KCNK2: variants seen among roughly 807,000 people sequenced by gnomAD.
KCNK2 encodes potassium two pore domain channel subfamily K member 2, also known as potassium channel subfamily K member 2.
In KCNK2, 21 loss-of-function variants were observed where a neutral mutation model predicts 40.5. That is an observed-to-expected ratio of 0.52 (90% CI 0.37 to 0.75). KCNK2 has a LOEUF of 0.75. Ranked by LOEUF, KCNK2 falls within the 30% of genes least tolerant of loss-of-function variation. KCNK2 has a pLI of 0.00. For synonymous variants in KCNK2, 191 were observed against 202.2 expected (o/e 0.94, Z 0.47); for missense variants, 399 against 531.6 (o/e 0.75, Z 2.45).
intron 2 of KCNK2, among the ~76,000 whole-genome samples, chr1:215,123,280 T>C (rs1184381767): frequency 6.6e-6 from 1 of 151,994 alleles, no homozygotes; most frequent in Non-Finnish European, 1.5e-5. Context: ...AGAATACAAA[T>C]ATGTAAAAGA....
At chr1:215,108,079 T>C (rs1660516457) in intron 2 of KCNK2, among the ~76,000 whole-genome samples, 1 of 152,072 alleles carries the variant, frequency 6.6e-6, no homozygotes, top group Admixed American at 6.6e-5. Context: ...CAGCCTATTA[T>C]AGATCCCTCG....
intron 2 of KCNK2, among the ~76,000 whole-genome samples, chr1:215,120,943 T>A (rs1173124697): frequency 2.0e-5 from 3 of 152,212 alleles, no homozygotes; most frequent in African/African-American, 7.2e-5. Context: ...ATATTTTATT[T>A]AATTAAATGC....
intron 3 of KCNK2, among the ~76,000 whole-genome samples, chr1:215,125,037 TA>T (rs1661353397): frequency 6.6e-6 from 1 of 152,218 alleles, no homozygotes; most frequent in Non-Finnish European, 1.5e-5. Flanking sequence ...TTAAAATGAT[TA>T]TTTCTTTAGG....
intron 6 of KCNK2, among the ~76,000 whole-genome samples, chr1:215,221,706 T>G (rs1424873746): frequency 6.6e-6 from 1 of 152,136 alleles, no homozygotes; most frequent in East Asian, 1.9e-4. Context: ...AAAATCCACA[T>G]ATAAGTAGAC....
chr1:215,170,400 A>G (rs925725707), intron 4 of KCNK2, among the ~76,000 whole-genome samples: 1 of 152,184 alleles, frequency 6.6e-6, no homozygotes, highest in South Asian at 2.1e-4. Flanking sequence ...TCTTGGAAGA[A>G]AATTATGGAA....
At chr1:215,115,218 A>G (rs1036159459) in intron 2 of KCNK2, among the ~76,000 whole-genome samples, 3 of 152,146 alleles carry the variant, frequency 2.0e-5, no homozygotes, top group Non-Finnish European at 4.4e-5. Context: ...GATTACCTTT[A>G]TATAGGTACA....
At chr1:215,014,693 T>C (rs1327081332) in intron 1 of KCNK2, among the ~76,000 whole-genome samples, 1 of 152,116 alleles carries the variant, frequency 6.6e-6, no homozygotes, top group African/African-American at 2.4e-5. Context: ...GGAAGACTGC[T>C]CATTCTCACC....
chr1:215,031,438 T>C (rs1657185376), intron 1 of KCNK2, among the ~76,000 whole-genome samples: 1 of 152,196 alleles, frequency 6.6e-6, no homozygotes, highest in Admixed American at 6.5e-5. Context: ...TCTCATACCA[T>C]TTTTTAGGCT....
intron 2 of KCNK2, among the ~76,000 whole-genome samples, chr1:215,100,114 G>C (rs1291728919): frequency 6.6e-6 from 1 of 151,920 alleles, no homozygotes; most frequent in Non-Finnish European, 1.5e-5. Context: ...GCATTTTGGG[G>C]TTAACTTAGA....
intron 2 of KCNK2, among the ~76,000 whole-genome samples, 163 bp from the exon 3 acceptor site, chr1:215,124,470 C>A (rs1480083762): frequency 6.6e-6 from 1 of 152,032 alleles, no homozygotes; most frequent in African/African-American, 2.4e-5. Context: ...TTATTAAATT[C>A]TCCAGTATAA....
chr1:215,076,702 A>G (rs2102519352), intron 1 of KCNK2, among the ~76,000 whole-genome samples: 1 of 152,344 alleles, frequency 6.6e-6, no homozygotes, highest in East Asian at 1.9e-4. Flanking sequence ...AGAAGGAGTC[A>G]GTAAATCCAG....
intron 5 of KCNK2, among the ~76,000 whole-genome samples, chr1:215,185,152 A>C (rs1423993188): frequency 6.6e-6 from 1 of 152,012 alleles, no homozygotes; most frequent in African/African-American, 2.4e-5. Flanking sequence ...TATTTGACAG[A>C]GGAAATAATA....
intron 6 of KCNK2, among the ~76,000 whole-genome samples, chr1:215,234,260 C>T (rs571715787): frequency 6.6e-6 from 1 of 152,114 alleles, no homozygotes; most frequent in Non-Finnish European, 1.5e-5. Flanking sequence ...AAGAGAATTC[C>T]TAAATGACCA....
chr1:215,232,283 A>G (rs1030944602), intron 6 of KCNK2, among the ~76,000 whole-genome samples: 7 of 152,194 alleles, frequency 4.6e-5, no homozygotes, highest in African/African-American at 1.4e-4. Flanking sequence ...AGCTGAAATA[A>G]TGAGTACTAA....
intron 3 of KCNK2, among the ~76,000 whole-genome samples, chr1:215,159,205 G>A (rs902423344): frequency 3.3e-5 from 5 of 152,108 alleles, no homozygotes; most frequent in African/African-American, 1.2e-4. Context: ...AGTTAAGTGC[G>A]GAGACTCCTT....
At chr1:215,135,676 CTAGT>C (rs1244040406) in intron 3 of KCNK2, among the ~76,000 whole-genome samples, 1 of 151,834 alleles carries the variant, frequency 6.6e-6, no homozygotes, top group Non-Finnish European at 1.5e-5. Context: ...ATTTCTTCAC[CTAGT>C]TAATTTTTAT....
chr1:215,209,271 T>TATTATATATATA (rs1431500406), intron 6 of KCNK2, among the ~76,000 whole-genome samples: 1 of 115,276 alleles, frequency 8.7e-6, no homozygotes, highest in African/African-American at 3.7e-5. Flanking sequence ...ATAAAATATA[T>TATTATATATATA]AAATATACAC....
chr1:215,073,679 T>G (rs938334067), intron 1 of KCNK2, among the ~76,000 whole-genome samples: 3 of 152,118 alleles, frequency 2.0e-5, no homozygotes. Context: ...GGGCCCTATA[T>G]AGCAAGGTGT....
At chr1:215,137,228 A>AC (rs1199985793) in intron 3 of KCNK2, among the ~76,000 whole-genome samples, 15 of 152,222 alleles carry the variant, frequency 9.9e-5, no homozygotes, top group African/African-American at 3.1e-4. Context: ...TAACAAGGTC[A>AC]ATATCACGAT....
Sources: gnomAD v4.1 joint callset for allele counts (sites outside exome capture counted in the v4.1 genomes callset) on GRCh38, gnomAD v4.1.1 for gene constraint, MANE v1.5 for transcripts, NCBI Gene and HGNC (gene_info 2026-07-23, HGNC 2026-07-21) for gene names.